The following PYHIN1 variants were observed in gnomAD, a reference collection of about 807,000 sequenced individuals.
The protein encoded by PYHIN1 is pyrin and HIN domain family member 1, also known as pyrin and HIN domain-containing protein 1.
A neutral mutation model predicts 43.7 loss-of-function variants in PYHIN1; 32 were observed. That is an observed-to-expected ratio of 0.73 (90% CI 0.55 to 0.98). The LOEUF (loss-of-function observed/expected upper bound fraction) is 0.98, where lower values mean the gene tolerates loss of function less well. PYHIN1 is among the 50% of genes least tolerant of loss of function. PYHIN1 has a pLI of 0.00. For synonymous variants in PYHIN1, 205 were observed against 203.1 expected, an observed-to-expected ratio of 1.01 and a Z score of -0.08; for missense variants, 588 against 589.5, an observed-to-expected ratio of 1.00 and a Z score of 0.03.
At chr1:158,987,732 C>T in the PYHIN1 span, among the ~76,000 whole-genome samples, 4 of 151,938 alleles carry the variant, frequency 2.6e-5, no homozygotes, top group Non-Finnish European at 4.4e-5. Flanking sequence ...AATAATGAAT[C>T]CAGTTTATTC....
downstream of PYHIN1, among the ~76,000 whole-genome samples, chr1:158,981,071 G>A (rs1347315402): frequency 6.6e-6 from 1 of 152,050 alleles, no homozygotes; most frequent in African/African-American, 2.4e-5. Flanking sequence ...TTGGAGTCAG[G>A]TTCCCCCAGT....
In PYHIN1 at chr1:158,973,658, C is replaced by T. The variant is rs1332963807; in HGVS notation, c.1371C>T (p.Thr457=). 9 of 1,612,560 alleles carry T rather than the reference C, an allele frequency of 5.6e-6. No individual in the cohort carries two copies. The South Asian group carries it at 9.9e-5, about 18-fold the overall frequency. The change falls in exon 8 of 9, where the codon ACC becomes ACT. Residue 457 remains threonine (T), a synonymous_variant. Coordinates refer to ENST00000368140, the MANE Select transcript of PYHIN1 (RefSeq NM_152501.5). ...SSSSFTKKDE[T]HPGAQSSPAN... ...ATTTATGACTCCAGAAGGATGAAAC[C>T]CACCCAGGAGCACAGTCATCGCCTG...
the PYHIN1 span, among the ~76,000 whole-genome samples, chr1:158,990,820 A>AC: frequency 6.6e-6 from 1 of 152,084 alleles, no homozygotes; most frequent in Admixed American, 6.5e-5. Context: ...AATCCCTGTA[A>AC]CCCCCAAGTT....
intron 7 of PYHIN1, among the ~76,000 whole-genome samples, chr1:158,971,284 G>T (rs568483873): frequency 2.0e-5 from 3 of 151,998 alleles, no homozygotes; most frequent in African/African-American, 7.2e-5. Flanking sequence ...ATTTGATATT[G>T]GAAGTAGAAT....
intron 7 of PYHIN1, among the ~76,000 whole-genome samples, chr1:158,951,684 G>A (rs1355809791): frequency 6.6e-6 from 1 of 152,180 alleles, no homozygotes; most frequent in Non-Finnish European, 1.5e-5. Flanking sequence ...TTTTGGGAAT[G>A]ATGAAAATGG....
chr1:158,944,001 T>C lies in PYHIN1; in HGVS notation c.1191+23T>C, dbSNP rs772751509. ...CAGGTGAGAAATAAAGAAACAAATA[T>C]TAGTTTTCCAAAGATGAAAATCATT... is the stretch of plus-strand genomic sequence containing the variant. On this transcript the variant is annotated intron_variant, in intron 6 of 8. Coordinates refer to ENST00000368140, the MANE Select transcript of PYHIN1 (RefSeq NM_152501.5). 4.5e-6 allele frequency: 7 copies of C among 1,541,160 alleles called. No homozygotes were observed. The East Asian group carries it at 1.1e-4, about 25-fold the overall frequency.
At chr1:158,988,132 C>T in the PYHIN1 span, among the ~76,000 whole-genome samples, 1 of 152,296 alleles carries the variant, frequency 6.6e-6, no homozygotes, top group East Asian at 1.9e-4. Flanking sequence ...GCCTCCAGAA[C>T]TGTGAAACCA....
At chr1:158,939,755 C>T (rs1648799749) in intron 4 of PYHIN1, 1 of 540,402 alleles carries the variant, frequency 1.9e-6, no homozygotes, top group Non-Finnish European at 3.3e-6. Flanking sequence ...GTTCTGTTTC[C>T]TAGGAACTTC....
intron 7 of PYHIN1, among the ~76,000 whole-genome samples, 187 bp from the exon 8 acceptor site, chr1:158,973,460 C>G (rs1465718631): frequency 6.6e-6 from 1 of 150,990 alleles, no homozygotes; most frequent in Non-Finnish European, 1.5e-5. Flanking sequence ...TGTATGCCAG[C>G]ATCCAGAGAG....
intron 7 of PYHIN1, among the ~76,000 whole-genome samples, chr1:158,957,507 G>C (rs1471545781): frequency 2.6e-5 from 4 of 151,374 alleles, no homozygotes; most frequent in African/African-American, 7.3e-5. Flanking sequence ...AATGGGGAAA[G>C]GAATCCCTAT....
chr1:158,932,825 T>G (rs1486413225), intron 1 of PYHIN1, among the ~76,000 whole-genome samples: 3 of 152,192 alleles, frequency 2.0e-5, no homozygotes, highest in African/African-American at 4.8e-5. Flanking sequence ...AATGATGTTT[T>G]ATTTTTCTAG....
the PYHIN1 span, among the ~76,000 whole-genome samples, chr1:158,986,668 G>A: frequency 2.0e-5 from 3 of 152,144 alleles, no homozygotes; most frequent in East Asian, 3.9e-4. Context: ...CCCACCCTTT[G>A]AGCAGATAGT....
At chr1:158,973,118 G>GT (rs1348389580) in intron 7 of PYHIN1, among the ~76,000 whole-genome samples, 48 of 147,994 alleles carry the variant, frequency 3.2e-4, no homozygotes, top group African/African-American at 1.1e-3. Flanking sequence ...CTCTCATCTA[G>GT]TTTTTCACCC....
At chr1:158,939,531 C>A (rs759589867) in intron 4 of PYHIN1, 2 of 1,548,832 alleles carry the variant, frequency 1.3e-6, no homozygotes, top group Admixed American at 3.9e-5. Context: ...CTGCCCCCAT[C>A]TATTATACAC....
intron 7 of PYHIN1, among the ~76,000 whole-genome samples, chr1:158,968,988 A>C (rs891004133): frequency 1.3e-5 from 2 of 151,942 alleles, no homozygotes; most frequent in African/African-American, 4.8e-5. Flanking sequence ...TGTCCACCAA[A>C]CCCCTGTGAC....
rs1171320354 is a variant in PYHIN1, at chr1:158,956,239, C to T, written c.1359+11197C>T. ...ATCAATAGAAAAAGAGGGAATCCTCCCTAACTCATTTTATGAGGTCAGCAT... is the reference window on the plus strand; with the variant it reads ...ATCAATAGAAAAAGAGGGAATCCTCTCTAACTCATTTTATGAGGTCAGCAT... On this transcript the variant is annotated intron_variant, in intron 7 of 8. Transcript: ENST00000368140. Among the ~76,000 whole-genome samples, 7 of 151,446 alleles carry T rather than the reference C, an allele frequency of 4.6e-5. No individual in the cohort carries two copies. In the East Asian group the frequency reaches 7.9e-4, roughly 17 times the overall value.
intron 7 of PYHIN1, among the ~76,000 whole-genome samples, chr1:158,945,740 T>C (rs990593522): frequency 1.3e-5 from 2 of 152,212 alleles, no homozygotes; most frequent in African/African-American, 2.4e-5. Flanking sequence ...ACATGATATA[T>C]TTGTAGAAAA....
At chr1:158,963,316 C>T (rs1433873503) in intron 7 of PYHIN1, among the ~76,000 whole-genome samples, 1 of 152,102 alleles carries the variant, frequency 6.6e-6, no homozygotes, top group African/African-American at 2.4e-5. Context: ...GGCTTGGGCC[C>T]ACAGCACAGC....
chr1:158,945,995 C>T (rs1649200201), intron 7 of PYHIN1, among the ~76,000 whole-genome samples: 1 of 152,146 alleles, frequency 6.6e-6, no homozygotes. Flanking sequence ...TCATATCCAG[C>T]CCTATTGAAA....
Sources: allele counts gnomAD v4.1 joint callset (sites outside exome capture counted in the v4.1 genomes callset), GRCh38; gene constraint gnomAD v4.1.1; transcripts MANE v1.5; gene names NCBI Gene and HGNC (gene_info 2026-07-23, HGNC 2026-07-21).